PFKFB1: variants seen among roughly 807,000 people sequenced by gnomAD.
PFKFB1 encodes the protein 6-phosphofructo-2-kinase/fructose-2,6-biphosphatase 1, also known as 6-phosphofructo-2-kinase/fructose-2,6-bisphosphatase 1.
A neutral mutation model predicts 46.4 loss-of-function variants in PFKFB1; 34 were observed. The observed-to-expected ratio is 0.73, with a 90% confidence interval of 0.56 to 0.98. The LOEUF (loss-of-function observed/expected upper bound fraction) is 0.98. PFKFB1 is among the 50% of genes least tolerant of loss of function. The pLI is 0.00. For synonymous variants in PFKFB1, 119 were observed against 133.8 expected (o/e 0.89, Z 0.76); for missense variants, 393 against 376.3 (o/e 1.04, Z -0.37).
chrX:54,942,238 T>G (rs1361524498), intron 10 of PFKFB1, among the ~76,000 whole-genome samples: 1 of 109,987 alleles, frequency 9.1e-6, no homozygotes, highest in Non-Finnish European at 1.9e-5. Flanking sequence ...CCCCGGGGCC[T>G]GTTGTGGGGT....
chrX:54,974,473 T>C (rs1191816016), intron 1 of PFKFB1, among the ~76,000 whole-genome samples: 1 of 111,821 alleles, frequency 8.9e-6, no homozygotes, highest in Non-Finnish European at 1.9e-5. Context: ...CAAAGACCTA[T>C]ACCTCAGACC....
At chrX:54,991,470 T>C (rs1364149413) in intron 1 of PFKFB1, among the ~76,000 whole-genome samples, 1 of 110,577 alleles carries the variant, frequency 9.0e-6, no homozygotes, top group African/African-American at 3.3e-5. Flanking sequence ...AATTGACTGA[T>C]TTACAGATTG....
At chrX:54,985,814 A>C (rs780834985) in intron 1 of PFKFB1, among the ~76,000 whole-genome samples, 8 of 110,068 alleles carry the variant, frequency 7.3e-5, no homozygotes, top group Non-Finnish European at 1.5e-4. Context: ...CATTGAAATT[A>C]AATTAGTACA....
intron 10 of PFKFB1, among the ~76,000 whole-genome samples, chrX:54,942,853 T>C (rs1933686864): frequency 9.0e-6 from 1 of 111,721 alleles, no homozygotes; most frequent in South Asian, 3.7e-4. Flanking sequence ...AAAATAGTCA[T>C]TAAAATTGAA....
chrX:54,985,598 A>G (rs751190071), intron 1 of PFKFB1, among the ~76,000 whole-genome samples: 9 of 111,522 alleles, frequency 8.1e-5, no homozygotes, highest in Non-Finnish European at 1.5e-4. Context: ...TCAAACCCAC[A>G]GGAACAAATG....
chrX:54,975,935 A>G (rs1191625625), intron 1 of PFKFB1, among the ~76,000 whole-genome samples: 1 of 111,747 alleles, frequency 8.9e-6, no homozygotes. Context: ...TACCCAAAAA[A>G]TAATTCAAAG....
Position 54,968,450 on chromosome X carries a change from A to G in PFKFB1, c.98-5068T>C, listed in dbSNP as rs1934540652. Among the ~76,000 whole-genome samples the G allele has an allele frequency of 3.6e-5, 4 of 109,933 alleles. No individual in the cohort carries two copies. In the Admixed American group the frequency reaches 3.9e-4, roughly 11 times the overall value. On this transcript the variant is annotated intron_variant, in intron 1 of 13. Transcript: ENST00000375006. ...ACTAACCTGCACATTGTGCACATGT[A>G]CCCTAAAACTTAAAGTATAATAAAA...
intron 8 of PFKFB1, among the ~76,000 whole-genome samples, chrX:54,951,062 T>C (rs1933958430): frequency 8.8e-6 from 1 of 113,050 alleles, no homozygotes; most frequent in Non-Finnish European, 1.9e-5. Context: ...GTCCAATAAA[T>C]GACAATTATG....
chrX:54,977,881 C>T (rs987975953), intron 1 of PFKFB1, among the ~76,000 whole-genome samples: 2 of 111,038 alleles, frequency 1.8e-5, no homozygotes, highest in Admixed American at 9.6e-5. Context: ...ATTCTTAGGG[C>T]AGGGAAACTA....
At position 54,990,044 on chromosome X, in the gene PFKFB1, A is replaced by G. The variant is rs1241178464; in HGVS notation, c.97+3867T>C. Reference sequence around the variant, plus strand: ...ATCAGCCCTGTTTAGTAGGCCAATTATCTCATTGGACACTTAAATTAGAAA... The same window carrying G: ...ATCAGCCCTGTTTAGTAGGCCAATTGTCTCATTGGACACTTAAATTAGAAA... On this transcript the variant is annotated intron_variant, in intron 1 of 13. Coordinates refer to ENST00000375006, the MANE Select transcript of PFKFB1 (RefSeq NM_002625.4). Among the ~76,000 whole-genome samples the G allele has an allele frequency of 4.5e-5, 5 of 111,731 alleles. No homozygotes were observed. The Admixed American group carries it at 4.8e-4, about 11-fold the overall frequency.
chrX:54,933,231 G>A lies in PFKFB1; in HGVS notation c.*172C>T. ...AGAAAGTTTCCTCCAGAGCTAGATAGCTCCTTGGTTGCGGCCAGCAAGCGA... is the reference window on the plus strand; with the variant it reads ...AGAAAGTTTCCTCCAGAGCTAGATAACTCCTTGGTTGCGGCCAGCAAGCGA... On this transcript the variant is annotated 3_prime_UTR_variant, in exon 14 of 14. Coordinates refer to ENST00000375006, the MANE Select transcript of PFKFB1 (RefSeq NM_002625.4). The A allele has an allele frequency of 2.2e-6, 1 of 457,012 alleles. No individual in the cohort carries two copies. Among genetic ancestry groups the A allele is most frequent in the South Asian group, 3.3e-5 (1 of 30,607 alleles). The allele number at this position is 457,012 out of a possible 1,213,427, so 37.7% of individuals were successfully genotyped here. A position where few individuals can be genotyped will look rare whatever the true frequency, so the allele number is the denominator to read the frequency against.
chrX:54,933,763 G>T, intron 13 of PFKFB1, 58 bp downstream of exon 13: 2 of 1,034,652 alleles, frequency 1.9e-6, no homozygotes, highest in East Asian at 3.0e-5. Flanking sequence ...TGTGGATAAG[G>T]TGCTTTCACC....
intron 1 of PFKFB1, among the ~76,000 whole-genome samples, chrX:54,992,593 C>T (rs1019604490): frequency 5.3e-5 from 6 of 112,186 alleles, no homozygotes; most frequent in Non-Finnish European, 9.4e-5. Context: ...ACACTCCAAA[C>T]AAAAGTAAGC....
At chrX:54,994,359 T>A (rs1466222065), upstream of PFKFB1, 2 of 752,306 alleles carry the variant, frequency 2.7e-6, no homozygotes, top group African/African-American at 4.6e-5. Flanking sequence ...GTCTGACCAG[T>A]CACTTCCCTC....
chrX:54,968,259 C>G (rs1323234939), intron 1 of PFKFB1, among the ~76,000 whole-genome samples: 4 of 71,417 alleles, frequency 5.6e-5, no homozygotes, highest in African/African-American at 2.2e-4. Context: ...CTCATAGGTG[C>G]AAATTGAACA....
chrX:54,969,853 C>A (rs913217181), intron 1 of PFKFB1, among the ~76,000 whole-genome samples: 3 of 111,842 alleles, frequency 2.7e-5, no homozygotes, highest in Admixed American at 1.9e-4. Flanking sequence ...AAATCTGTCC[C>A]TGTTCATCCA....
intron 1 of PFKFB1, among the ~76,000 whole-genome samples, chrX:54,989,454 G>GT (rs1185931687): frequency 2.7e-5 from 3 of 111,511 alleles, no homozygotes; most frequent in African/African-American, 9.8e-5. Context: ...AAATTTGTTT[G>GT]TAACTACGAA....
chrX:54,966,504 C>G (rs753654819), intron 1 of PFKFB1, among the ~76,000 whole-genome samples: 1 of 111,742 alleles, frequency 8.9e-6, no homozygotes, highest in African/African-American at 3.2e-5. Context: ...AACTAAAATT[C>G]GGAGAGTGGG....
intron 10 of PFKFB1, among the ~76,000 whole-genome samples, chrX:54,940,072 C>T (rs1368825975): frequency 2.7e-5 from 3 of 111,881 alleles, no homozygotes; most frequent in Non-Finnish European, 3.8e-5. Context: ...CCCTGGGATG[C>T]AAGGCTGGTT....
Sources: gnomAD v4.1 joint callset for allele counts (sites outside exome capture counted in the v4.1 genomes callset) on GRCh38, gnomAD v4.1.1 for gene constraint, MANE v1.5 for transcripts, NCBI Gene and HGNC (gene_info 2026-07-23, HGNC 2026-07-21) for gene names.